The following THSD7B variants were observed in gnomAD, a reference collection of about 807,000 sequenced individuals.
THSD7B encodes the protein thrombospondin type 1 domain containing 7B.
Under a neutral mutation model 213.6 loss-of-function variants are expected in THSD7B, and 138 were observed. The observed-to-expected ratio is 0.65, with a 90% CI of 0.56 to 0.74. THSD7B has a LOEUF of 0.74. Among genes scored for constraint, THSD7B ranks in the 30% least tolerant of loss-of-function variants. The pLI, the probability that THSD7B is intolerant of heterozygous loss-of-function variation, is 0.00. For synonymous variants in THSD7B, 742 were observed against 687.0 expected (o/e 1.08, Z -1.25); for missense variants, 1,931 against 1,991.5 (o/e 0.97, Z 0.58).
intron 2 of THSD7B, among the ~76,000 whole-genome samples, chr2:137,036,919 T>C (rs1686786591): frequency 6.6e-6 from 1 of 152,182 alleles, no homozygotes; most frequent in Admixed American, 6.5e-5. Flanking sequence ...TAATTTCTTC[T>C]GAAACCTTGC....
At chr2:136,946,431 TG>T (rs1307940132) in intron 2 of THSD7B, among the ~76,000 whole-genome samples, 1 of 152,186 alleles carries the variant, frequency 6.6e-6, no homozygotes, top group African/African-American at 2.4e-5. Flanking sequence ...TTAGGCTACA[TG>T]GGGGTCAGGG....
intron 16 of THSD7B, among the ~76,000 whole-genome samples, chr2:137,569,201 T>A (rs761103850): frequency 4.6e-5 from 7 of 151,982 alleles, no homozygotes; most frequent in Non-Finnish European, 1.0e-4. Context: ...AGGAAAGAGA[T>A]TCTTCTCTAG....
At chr2:137,102,488 C>T (rs113246833) in intron 4 of THSD7B, among the ~76,000 whole-genome samples, 92 of 152,270 alleles carry the variant, frequency 6.0e-4, no homozygotes, top group African/African-American at 1.9e-3. Flanking sequence ...TCTCCTCCAA[C>T]GGATCACAAC....
intron 6 of THSD7B, among the ~76,000 whole-genome samples, chr2:137,169,697 C>T (rs1468103074): frequency 3.3e-5 from 5 of 151,978 alleles, no homozygotes; most frequent in Non-Finnish European, 5.9e-5. Flanking sequence ...GGAATAGAAA[C>T]GATGGAAGGT....
chr2:137,240,630 C>T (rs1375622656), intron 9 of THSD7B, among the ~76,000 whole-genome samples: 2 of 152,114 alleles, frequency 1.3e-5, no homozygotes, highest in African/African-American at 4.8e-5. Context: ...CTGGCCTCAG[C>T]AACCCATGTA....
intron 9 of THSD7B, among the ~76,000 whole-genome samples, chr2:137,238,134 A>G (rs1177267116): frequency 5.9e-5 from 9 of 152,206 alleles, no homozygotes; most frequent in Non-Finnish European, 4.4e-5. Flanking sequence ...TCAGTTCCCT[A>G]AAAGAGATTA....
intron 3 of THSD7B, among the ~76,000 whole-genome samples, chr2:137,080,344 G>A (rs1403403627): frequency 6.9e-6 from 1 of 144,800 alleles, no homozygotes; most frequent in African/African-American, 2.6e-5. Context: ...TGCGATTATA[G>A]GCATGTACCA....
chr2:137,227,647 G>C (rs1681539675), intron 7 of THSD7B, among the ~76,000 whole-genome samples: 2 of 152,114 alleles, frequency 1.3e-5, no homozygotes, highest in Admixed American at 1.3e-4. Context: ...GGGCAGATGA[G>C]GTTATTTAGG....
rs1322441262 is a variant in THSD7B, at chr2:137,676,679, G to GT, written c.*80dup. 3.0e-6 allele frequency: 4 copies of GT among 1,329,760 alleles called. No homozygotes were observed. Among genetic ancestry groups the GT allele is most frequent in the Non-Finnish European group, 4.1e-6 (4 of 986,308 alleles). The allele number at this position is 1,329,760 out of a possible 1,614,324, so 82.4% of individuals were successfully genotyped here. A position where few individuals can be genotyped will look rare whatever the true frequency, so the allele number is the denominator to read the frequency against. ...TCTTTTGTAGCTCTCAGACTTCTCA[G>GT]TTTTTTGAGGAATCTCAAGATGTGA... On this transcript the variant is annotated 3_prime_UTR_variant, in exon 28 of 28. Coordinates refer to ENST00000409968, the MANE Select transcript of THSD7B (RefSeq NM_001316349.2).
intron 2 of THSD7B, among the ~76,000 whole-genome samples, chr2:136,928,357 A>G (rs1401637405): frequency 1.3e-5 from 2 of 152,194 alleles, no homozygotes; most frequent in Non-Finnish European, 2.9e-5. Context: ...CTTTTGCACC[A>G]TCATAAAGTT....
chr2:136,795,413 C>T (rs1321290473), intron 1 of THSD7B, among the ~76,000 whole-genome samples: 2 of 151,874 alleles, frequency 1.3e-5, no homozygotes, highest in African/African-American at 4.8e-5. Context: ...TTATGTTGGG[C>T]CCATCTGGAT....
rs190202526 is a variant in THSD7B, at chr2:137,400,299, T to G, written c.2501-5314T>G. 3.3e-5 allele frequency among the ~76,000 whole-genome samples: 5 copies of G among 152,314 alleles called. No homozygotes were observed. In the East Asian group the frequency reaches 7.7e-4, roughly 24 times the overall value. On this transcript the variant is annotated intron_variant, in intron 12 of 27. Coordinates refer to ENST00000409968, the MANE Select transcript of THSD7B (RefSeq NM_001316349.2). ...TGAGGGTGTTGTAATACCTTGTTTTTTTTTTCTTTCCATGATTTTTGTGTG... is the reference window on the plus strand; with the variant it reads ...TGAGGGTGTTGTAATACCTTGTTTTGTTTTTCTTTCCATGATTTTTGTGTG...
Position 137,426,124 on chromosome 2 carries a change from A to C in THSD7B, c.2959+14252A>C, listed in dbSNP as rs753646331. Among the ~76,000 whole-genome samples, 7 of 152,332 alleles carry C rather than the reference A, an allele frequency of 4.6e-5. No individual in the cohort carries two copies. In the South Asian group the frequency reaches 1.2e-3, roughly 27 times the overall value. On this transcript the variant is annotated intron_variant, in intron 14 of 27. Transcript: ENST00000409968. ...AAATACTTAGGAATAAAATTAAGGA[A>C]GTGGAAGATCTGTAAGCTGAAAACT...
intron 16 of THSD7B, among the ~76,000 whole-genome samples, chr2:137,564,844 T>C (rs891970375): frequency 6.6e-6 from 1 of 152,142 alleles, no homozygotes; most frequent in Non-Finnish European, 1.5e-5. Flanking sequence ...TATTCTACAA[T>C]AGGATGAATT....
At chr2:137,595,841 G>A (rs1230734323) in intron 17 of THSD7B, among the ~76,000 whole-genome samples, 2 of 151,768 alleles carry the variant, frequency 1.3e-5, no homozygotes, top group African/African-American at 2.4e-5. Flanking sequence ...AACTTCAAGT[G>A]AAGGTTATAA....
chr2:137,558,835 C>A (rs974457587), intron 15 of THSD7B, among the ~76,000 whole-genome samples: 1 of 152,200 alleles, frequency 6.6e-6, no homozygotes, highest in Non-Finnish European at 1.5e-5. Flanking sequence ...AGCCCCAAAT[C>A]TCCTTAAGCT....
chr2:136,868,529 A>C (rs1286723101), intron 1 of THSD7B, among the ~76,000 whole-genome samples: 1 of 152,234 alleles, frequency 6.6e-6, no homozygotes, highest in Non-Finnish European at 1.5e-5. Context: ...TAATTAATCA[A>C]GAGAATGCAA....
chr2:137,034,317 G>A (rs1382111531), intron 2 of THSD7B, among the ~76,000 whole-genome samples: 1 of 152,094 alleles, frequency 6.6e-6, no homozygotes, highest in Non-Finnish European at 1.5e-5. Flanking sequence ...TGTCAGTCAG[G>A]ATGCTCTCGA....
chr2:137,140,880 T>C (rs774498578), intron 5 of THSD7B, among the ~76,000 whole-genome samples: 1 of 152,036 alleles, frequency 6.6e-6, no homozygotes, highest in Non-Finnish European at 1.5e-5. Context: ...AGAGAGTAAA[T>C]AATAATAAAC....
Sources: allele counts gnomAD v4.1 joint callset (sites outside exome capture counted in the v4.1 genomes callset), GRCh38; gene constraint gnomAD v4.1.1; transcripts MANE v1.5; gene names NCBI Gene and HGNC (gene_info 2026-07-23, HGNC 2026-07-21).